SLC30A9: variants seen among roughly 807,000 people sequenced by gnomAD.
The protein encoded by SLC30A9 is proton-coupled zinc antiporter SLC30A9, mitochondrial.
In SLC30A9, 58 loss-of-function variants were observed where a neutral mutation model predicts 87.5. The observed-to-expected ratio is 0.66, with a 90% CI of 0.54 to 0.82. The LOEUF is 0.82. Ranked by LOEUF, SLC30A9 falls within the 40% of genes least tolerant of loss-of-function variation. The pLI, the probability that SLC30A9 is intolerant of heterozygous loss-of-function variation, is 0.00. For missense variants in SLC30A9, 557 were observed against 679.1 expected, an observed-to-expected ratio of 0.82 and a Z score of 2.00; for synonymous variants, 234 against 233.0, an observed-to-expected ratio of 1.00 and a Z score of -0.04.
At chr4:42,041,537 C>T (rs1172861783) in intron 8 of SLC30A9, among the ~76,000 whole-genome samples, 1 of 152,078 alleles carries the variant, frequency 6.6e-6, no homozygotes, top group Non-Finnish European at 1.5e-5. Context: ...AATTTCAGAC[C>T]ACCTTGGGCA....
chr4:42,062,989 C>T lies in SLC30A9; in HGVS notation c.900C>T (p.Tyr300=), dbSNP rs766859836. 8.7e-6 allele frequency: 14 copies of T among 1,611,048 alleles called. No individual in the cohort carries two copies. Among genetic ancestry groups the T allele is most frequent in the African/African-American group, 2.7e-5 (2 of 74,818 alleles). ...TATATTCTTTTCTATTTTTCAGGTACGGATTTTCAAATATGCGCTATATTT... is the reference window on the plus strand; with the variant it reads ...TATATTCTTTTCTATTTTTCAGGTATGGATTTTCAAATATGCGCTATATTT... ...SVQTPDPSHP[Y]GFSNMRYISS... Residue 300 remains tyrosine (Y), a synonymous_variant, in exon 11 of 18, where the codon TAC becomes TAT. Coordinates refer to ENST00000264451, the MANE Select transcript of SLC30A9 (RefSeq NM_006345.4).
At chr4:42,019,960 A>AT (rs1452642560) in intron 3 of SLC30A9, among the ~76,000 whole-genome samples, 2 of 151,652 alleles carry the variant, frequency 1.3e-5, no homozygotes, top group Non-Finnish European at 2.9e-5. Flanking sequence ...CACCTGGCCA[A>AT]TTTTTTGTAT....
intron 4 of SLC30A9, 42 bp downstream of exon 4, chr4:42,020,557 A>T (rs994425510): frequency 9.1e-7 from 1 of 1,095,100 alleles, no homozygotes; most frequent in Non-Finnish European, 1.4e-6. Flanking sequence ...ATATCTAAAT[A>T]ATCTAAATAA....
intron 2 of SLC30A9, among the ~76,000 whole-genome samples, chr4:42,002,936 A>C (rs1276224466): frequency 1.3e-5 from 2 of 152,194 alleles, no homozygotes; most frequent in East Asian, 3.9e-4. Flanking sequence ...TGGTTCTGTC[A>C]TTCTGTTATT....
chr4:42,059,723 T>G (rs1717767538), intron 9 of SLC30A9, among the ~76,000 whole-genome samples: 1 of 150,360 alleles, frequency 6.7e-6, no homozygotes, highest in African/African-American at 2.4e-5. Context: ...TGCATGTTCT[T>G]TTAAACCTTT....
At chr4:42,006,539 T>G (rs1054149539) in intron 2 of SLC30A9, among the ~76,000 whole-genome samples, 2 of 152,026 alleles carry the variant, frequency 1.3e-5, no homozygotes, top group Non-Finnish European at 2.9e-5. Flanking sequence ...ATACAAAAAT[T>G]AGCTGGGCAT....
At chr4:42,015,795 A>T (rs1715693661) in intron 2 of SLC30A9, among the ~76,000 whole-genome samples, 2 of 151,542 alleles carry the variant, frequency 1.3e-5, no homozygotes, top group Admixed American at 6.6e-5. Context: ...TTGTCCAGAA[A>T]CTGCTGTTTT....
Position 42,043,790 on chromosome 4 carries a change from A to G in SLC30A9, c.737+4737A>G, listed in dbSNP as rs375734539. On this transcript the variant is annotated intron_variant, in intron 8 of 17. Transcript: ENST00000264451. ...CATCAGATTCACCAAGGTTGAAATG[A>G]AGGAAAAAATGTTAAGGGCAGCCAG... Among the ~76,000 whole-genome samples, 43 of 152,336 alleles carry G rather than the reference A, an allele frequency of 2.8e-4. No homozygotes were observed. The East Asian group carries it at 8.1e-3, about 29-fold the overall frequency.
intron 4 of SLC30A9, 138 bp from the exon 5 acceptor site, chr4:42,022,700 C>A (rs1487246032): frequency 2.1e-6 from 1 of 471,992 alleles, no homozygotes; most frequent in Non-Finnish European, 3.8e-6. Context: ...TTAAACTGAT[C>A]TTTAAAAGCC....
chr4:42,082,847 CAAA>C (rs1210396427), intron 17 of SLC30A9, among the ~76,000 whole-genome samples: 1 of 71,704 alleles, frequency 1.4e-5, no homozygotes. Flanking sequence ...GACTCCATCT[CAAA>C]AAAAAAAAAA....
chr4:42,078,390 C>T (rs1228682868), intron 17 of SLC30A9, 65 bp downstream of exon 17: 14 of 803,888 alleles, frequency 1.7e-5, no homozygotes, highest in African/African-American at 5.3e-5. Context: ...ACTTACTCTA[C>T]AGCAGACACT....
intron 2 of SLC30A9, among the ~76,000 whole-genome samples, chr4:42,008,340 G>A (rs566690965): frequency 6.6e-6 from 1 of 152,232 alleles, no homozygotes; most frequent in South Asian, 2.1e-4. Context: ...TTTGGCATAG[G>A]TAGCACTTAC....
chr4:41,994,827 CAAAAAA>C (rs539190933), intron 1 of SLC30A9, among the ~76,000 whole-genome samples: 1 of 94,772 alleles, frequency 1.1e-5, no homozygotes, highest in Admixed American at 1.0e-4. Flanking sequence ...GATGTGGTCT[CAAAAAA>C]AAAAAAAAAA....
chr4:41,997,295 G>A (rs1294358141), intron 1 of SLC30A9, among the ~76,000 whole-genome samples: 1 of 152,054 alleles, frequency 6.6e-6, no homozygotes, highest in East Asian at 1.9e-4. Context: ...GGATTTTCCT[G>A]TAGTTTTGGC....
intron 17 of SLC30A9, among the ~76,000 whole-genome samples, chr4:42,080,545 A>G (rs1277705808): frequency 6.6e-6 from 1 of 152,240 alleles, no homozygotes; most frequent in Non-Finnish European, 1.5e-5. Context: ...CTTGATGACC[A>G]GAGATTTTAT....
At position 42,082,999 on chromosome 4, in the gene SLC30A9, C is replaced by A. The variant is rs73812712; in HGVS notation, c.1663-3083C>A. 6.3e-3 allele frequency among the ~76,000 whole-genome samples: 966 copies of A among 152,142 alleles called. 15 individuals carry two copies. Among genetic ancestry groups the A allele is most frequent in the African/African-American group, 0.022 (929 of 41,490 alleles). Reference sequence around the variant, plus strand: ...TTGTTATTATTTTGAAGTTCTTTGACCTGTTAAACATTTTTTGTCTTATCT... The same window carrying A: ...TTGTTATTATTTTGAAGTTCTTTGAACTGTTAAACATTTTTTGTCTTATCT... On this transcript the variant is annotated intron_variant, in intron 17 of 17. Transcript: ENST00000264451.
intron 2 of SLC30A9, among the ~76,000 whole-genome samples, chr4:42,009,116 A>G (rs963699203): frequency 6.6e-6 from 1 of 152,262 alleles, no homozygotes; most frequent in Admixed American, 6.5e-5. Context: ...ATATGGTTCC[A>G]CCATTCAGAA....
chr4:41,991,300 T>G (rs1251707573), intron 1 of SLC30A9, among the ~76,000 whole-genome samples: 1 of 152,224 alleles, frequency 6.6e-6, no homozygotes, highest in Non-Finnish European at 1.5e-5. Flanking sequence ...TGAACCCAGT[T>G]TGGGTCCGAA....
chr4:42,043,066 T>C (rs1258739757), intron 8 of SLC30A9, among the ~76,000 whole-genome samples: 3 of 151,704 alleles, frequency 2.0e-5, no homozygotes, highest in African/African-American at 7.3e-5. Flanking sequence ...AAAAACCCCA[T>C]CCAAAAGTCA....
Sources: gnomAD v4.1 joint callset for allele counts (sites outside exome capture counted in the v4.1 genomes callset) on GRCh38, gnomAD v4.1.1 for gene constraint, MANE v1.5 for transcripts, NCBI Gene and HGNC (gene_info 2026-07-23, HGNC 2026-07-21) for gene names.